The following CCSER1 variants were observed in gnomAD, a reference collection of about 807,000 sequenced individuals.
CCSER1 encodes the protein serine-rich coiled-coil domain-containing protein 1.
Under a neutral mutation model 82.0 loss-of-function variants are expected in CCSER1, and 41 were observed. That is an observed-to-expected ratio of 0.50 (90% CI 0.39 to 0.65). The LOEUF is 0.65. CCSER1 is among the 30% of genes least tolerant of loss of function. CCSER1 has a pLI of 0.00. For synonymous variants in CCSER1, 414 were observed against 383.9 expected (o/e 1.08, Z -0.92); for missense variants, 1,119 against 1,064.2 (o/e 1.05, Z -0.72).
chr4:91,577,827 C>G (rs1166061118), intron 10 of CCSER1, among the ~76,000 whole-genome samples: 2 of 151,788 alleles, frequency 1.3e-5, no homozygotes, highest in Non-Finnish European at 2.9e-5. Context: ...TATTTTATCT[C>G]TTATTATGTG....
chr4:91,183,563 A>G (rs746736937), intron 10 of CCSER1, among the ~76,000 whole-genome samples: 90 of 152,188 alleles, frequency 5.9e-4, no homozygotes, highest in Non-Finnish European at 9.7e-4. Flanking sequence ...TTCCAGGATC[A>G]TATCCATGTA....
intron 8 of CCSER1, among the ~76,000 whole-genome samples, chr4:90,879,555 GGAAGAAGAAGAAGAGGAA>G (rs200654951): frequency 0.16 from 1,882 of 11,620 alleles, 20 homozygotes; most frequent in East Asian, 0.38. Context: ...AAGAAGAAGA[GGAAGAAGAAGAAGAGGAA>G]GAAGAAGAAG....
intron 9 of CCSER1, among the ~76,000 whole-genome samples, chr4:91,000,485 A>G (rs1245831001): frequency 6.6e-6 from 1 of 152,038 alleles, no homozygotes; most frequent in Non-Finnish European, 1.5e-5. Context: ...TTTGATAGGA[A>G]TAGCATTGAT....
At chr4:90,871,456 C>T (rs1766488014) in intron 8 of CCSER1, among the ~76,000 whole-genome samples, 2 of 151,786 alleles carry the variant, frequency 1.3e-5, no homozygotes, top group African/African-American at 4.8e-5. Flanking sequence ...GTTTAATTTC[C>T]ATGGGCTTGT....
At chr4:90,786,198 G>A (rs1416194202) in intron 7 of CCSER1, among the ~76,000 whole-genome samples, 7 of 152,178 alleles carry the variant, frequency 4.6e-5, no homozygotes, top group African/African-American at 1.7e-4. Flanking sequence ...GCACGTGGAA[G>A]CGCAACTGAA....
At chr4:91,377,821 G>T (rs189029972) in intron 10 of CCSER1, among the ~76,000 whole-genome samples, 5 of 152,060 alleles carry the variant, frequency 3.3e-5, no homozygotes, top group Non-Finnish European at 7.4e-5. Context: ...TGAAGTCCTT[G>T]CCCATGCCTA....
At chr4:91,329,305 C>T (rs1578203145) in intron 10 of CCSER1, among the ~76,000 whole-genome samples, 1 of 152,270 alleles carries the variant, frequency 6.6e-6, no homozygotes, top group East Asian at 1.9e-4. Context: ...CAAATAATGA[C>T]AACTCTAATT....
intron 5 of CCSER1, among the ~76,000 whole-genome samples, chr4:90,532,825 G>A (rs939138039): frequency 6.6e-6 from 1 of 152,018 alleles, no homozygotes; most frequent in Non-Finnish European, 1.5e-5. Context: ...AGATCGACTT[G>A]TACTTTGAGT....
intron 10 of CCSER1, among the ~76,000 whole-genome samples, chr4:91,154,395 C>T (rs532295511): frequency 1.3e-5 from 2 of 152,182 alleles, no homozygotes; most frequent in Non-Finnish European, 2.9e-5. Context: ...CCTGAATTTC[C>T]TGGTGCCATT....
chr4:91,094,709 GGAGGATTGTCCTCCGCCCATAC>G (rs1237778464), intron 10 of CCSER1, among the ~76,000 whole-genome samples: 1 of 152,110 alleles, frequency 6.6e-6, no homozygotes. Flanking sequence ...CGTCAGCCCT[GGAGGATTGTCCTCCGCCCATAC>G]TCAGGGCCAT....
At chr4:90,926,645 C>T (rs10012191) in intron 9 of CCSER1, among the ~76,000 whole-genome samples, 63,576 of 151,752 alleles carry the variant, frequency 0.42, 13,766 homozygotes, top group African/African-American at 0.53. Flanking sequence ...TGACTTCTAA[C>T]GCACATGGCA....
At chr4:90,534,231 G>A (rs963065683) in intron 5 of CCSER1, among the ~76,000 whole-genome samples, 3 of 152,150 alleles carry the variant, frequency 2.0e-5, no homozygotes, top group African/African-American at 4.8e-5. Flanking sequence ...CAGGGTTCAC[G>A]CCATTCTCCT....
intron 3 of CCSER1, among the ~76,000 whole-genome samples, chr4:90,366,798 C>A (rs891631739): frequency 6.6e-6 from 1 of 151,744 alleles, no homozygotes; most frequent in Non-Finnish European, 1.5e-5. Context: ...GTTGAACTAA[C>A]TAAATAAATA....
chr4:91,457,485 C>G (rs1291620974), intron 10 of CCSER1, among the ~76,000 whole-genome samples: 2 of 151,858 alleles, frequency 1.3e-5, no homozygotes, highest in African/African-American at 2.4e-5. Context: ...GGCAACATAG[C>G]AAGACCCCAT....
intron 1 of CCSER1, among the ~76,000 whole-genome samples, chr4:90,141,922 G>A (rs1560679016): frequency 6.6e-6 from 1 of 152,122 alleles, no homozygotes; most frequent in Non-Finnish European, 1.5e-5. Context: ...CACATTAATG[G>A]GTTTGTACCT....
At chr4:90,581,160 T>C (rs1781377323) in intron 5 of CCSER1, among the ~76,000 whole-genome samples, 1 of 152,116 alleles carries the variant, frequency 6.6e-6, no homozygotes, top group South Asian at 2.1e-4. Flanking sequence ...AATATTTTAA[T>C]CTATAATACT....
chr4:91,237,139 C>T (rs1282677572), intron 10 of CCSER1, among the ~76,000 whole-genome samples: 3 of 151,894 alleles, frequency 2.0e-5, no homozygotes, highest in Non-Finnish European at 2.9e-5. Flanking sequence ...CATCTTTTTT[C>T]ATTGCAATAA....
At chr4:90,499,191 G>T (rs1470208480) in intron 5 of CCSER1, among the ~76,000 whole-genome samples, 2 of 151,596 alleles carry the variant, frequency 1.3e-5, no homozygotes, top group African/African-American at 2.4e-5. Flanking sequence ...TTACCATATG[G>T]CTGAATCGAT....
chr4:91,307,412 T>A (rs1026202973), intron 10 of CCSER1, among the ~76,000 whole-genome samples: 1 of 152,000 alleles, frequency 6.6e-6, no homozygotes, highest in Non-Finnish European at 1.5e-5. Flanking sequence ...TTATTTGAGT[T>A]TTTTAGCCCA....
Sources: allele counts gnomAD v4.1 joint callset (sites outside exome capture counted in the v4.1 genomes callset), GRCh38; gene constraint gnomAD v4.1.1; transcripts MANE v1.5; gene names NCBI Gene and HGNC (gene_info 2026-07-23, HGNC 2026-07-21).